Variants in BRD4 observed in about 807,000 individuals in gnomAD.
The protein encoded by BRD4 is bromodomain-containing protein 4.
A neutral mutation model predicts 142.1 loss-of-function variants in BRD4; 16 were observed. The observed-to-expected ratio is 0.11, with a 90% confidence interval of 0.08 to 0.17. BRD4 has a LOEUF of 0.17. Among genes scored for constraint, BRD4 ranks in the 10% least tolerant of loss-of-function variants. BRD4 has a pLI of 1.00. For missense variants in BRD4, 1,424 were observed against 1,810.9 expected (o/e 0.79, Z 3.88); for synonymous variants, 833 against 707.5 (o/e 1.18, Z -2.82).
At chr19:15,301,628 G>A (rs761350395) in intron 1 of BRD4, among the ~76,000 whole-genome samples, 1 of 151,574 alleles carries the variant, frequency 6.6e-6, no homozygotes, top group Non-Finnish European at 1.5e-5. Context: ...TTGGGAAGCC[G>A]AGGTGGACAG....
chr19:15,324,355 C>T (rs866021523), intron 1 of BRD4, among the ~76,000 whole-genome samples: 3 of 152,346 alleles, frequency 2.0e-5, no homozygotes, highest in Middle Eastern at 3.4e-3. Flanking sequence ...CTTTCAATTG[C>T]ATTTCACACA....
At chr19:15,283,315 C>T (rs998638366) in intron 1 of BRD4, among the ~76,000 whole-genome samples, 6 of 150,370 alleles carry the variant, frequency 4.0e-5, no homozygotes, top group Admixed American at 2.0e-4. Context: ...TCCTGGGCTG[C>T]CCCTGGTGTC....
chr19:15,331,047 A>C (rs2048152702), intron 1 of BRD4, among the ~76,000 whole-genome samples: 1 of 152,124 alleles, frequency 6.6e-6, no homozygotes, highest in East Asian at 1.9e-4. Context: ...CTCGTGAGGC[A>C]TACATTCCAA....
chr19:15,243,558 C>T (rs1172380704), intron 13 of BRD4, 71 bp from the exon 14 acceptor site: 2 of 1,466,596 alleles, frequency 1.4e-6, no homozygotes, highest in Non-Finnish European at 1.8e-6. Context: ...TCTGCTCCAT[C>T]CTGACCTCAT....
intron 1 of BRD4, among the ~76,000 whole-genome samples, chr19:15,294,897 G>A (rs999506999): frequency 5.9e-5 from 9 of 152,104 alleles, no homozygotes; most frequent in African/African-American, 2.2e-4. Flanking sequence ...CAGACCCCAC[G>A]CCCAGAAGGC....
At chr19:15,270,041 C>T (rs1261493449) in intron 2 of BRD4, among the ~76,000 whole-genome samples, 6 of 152,190 alleles carry the variant, frequency 3.9e-5, no homozygotes, top group Admixed American at 1.3e-4. Context: ...CCTGACCCAC[C>T]GATAGCCAAA....
chr19:15,310,274 C>T lies in BRD4; in HGVS notation c.-35+22016G>A, dbSNP rs918475945. On this transcript the variant is annotated intron_variant, in intron 1 of 19. Transcript: ENST00000679869. ...TGTTGACCAAGCTGAAGTGCAATGG[C>T]GTGATCTCAGCTCACTGCAACCTCC... 6.0e-5 allele frequency among the ~76,000 whole-genome samples: 7 copies of T among 117,446 alleles called. No individual in the cohort carries two copies. In the South Asian group the frequency reaches 1.2e-3, roughly 20 times the overall value. The allele number at this position is 117,446 out of a possible 152,430, so 77.0% of individuals were successfully genotyped here.
intron 7 of BRD4, 149 bp downstream of exon 7, chr19:15,263,271 G>A: frequency 1.0e-6 from 1 of 994,630 alleles, no homozygotes. Context: ...GTATGCACTA[G>A]GCTGACTTTA....
chr19:15,241,016 A>G (rs1265944477), intron 14 of BRD4, among the ~76,000 whole-genome samples: 1 of 152,122 alleles, frequency 6.6e-6, no homozygotes, highest in East Asian at 1.9e-4. Flanking sequence ...AGCAAACCAC[A>G]ATGCCCCAGG....
Position 15,263,517 on chromosome 19 carries a change from G to C in BRD4, c.1244C>G (p.Ala415Gly). The C allele has an allele frequency of 6.2e-7, 1 of 1,614,228 alleles. No homozygotes were observed. The highest frequency in any genetic ancestry group is 1.1e-5 in the South Asian group (1 of 91,090). The change falls in exon 7 of 20, where the codon GCT becomes GGT. Residue 415 changes from alanine to glycine, a missense_variant. Coordinates refer to ENST00000679869, the MANE Select transcript of BRD4 (RefSeq NM_001379291.1). Reference protein sequence around the residue: ...SKLEAREYRDAQEFGADVRLM... With the variant: ...SKLEAREYRDGQEFGADVRLM... ...TCGGACGTCAGCACCAAACTCCTGAGCATCACGGTACTCACGGGCCTCCAG... is the reference window on the plus strand; with the variant it reads ...TCGGACGTCAGCACCAAACTCCTGACCATCACGGTACTCACGGGCCTCCAG...
chr19:15,250,665 G>T lies in BRD4; in HGVS notation c.2158+3487C>A, dbSNP rs548965947. On this transcript the variant is annotated intron_variant, in intron 11 of 19. Transcript: ENST00000679869. Reference sequence around the variant, plus strand: ...ACCCTGTCCCAGCCCAGGTAGCTGAGGTTAAACGGGTATTCCTAAGAGGGA... The same window carrying T: ...ACCCTGTCCCAGCCCAGGTAGCTGATGTTAAACGGGTATTCCTAAGAGGGA... Among the ~76,000 whole-genome samples the T allele has an allele frequency of 9.0e-4, 137 of 152,188 alleles. 1 individual carries two copies. Among genetic ancestry groups the T allele is most frequent in the Non-Finnish European group, 1.6e-3 (110 of 68,028 alleles).
chr19:15,264,214 C>G, intron 6 of BRD4, 190 bp downstream of exon 6: 2 of 692,988 alleles, frequency 2.9e-6, no homozygotes, highest in Non-Finnish European at 4.6e-6. Flanking sequence ...AATGGCCAAG[C>G]ACCAGGTCTC....
At chr19:15,245,244 G>A (rs997659665) in intron 11 of BRD4, among the ~76,000 whole-genome samples, 4 of 152,110 alleles carry the variant, frequency 2.6e-5, no homozygotes, top group Admixed American at 2.0e-4. Flanking sequence ...GCAGCTTCTC[G>A]GGGGCCTCCA....
At chr19:15,307,244 G>GT (rs1334278511) in intron 1 of BRD4, among the ~76,000 whole-genome samples, 2 of 152,224 alleles carry the variant, frequency 1.3e-5, no homozygotes, top group African/African-American at 4.8e-5. Context: ...CTTCAGTGAA[G>GT]TAAGAGCGCT....
chr19:15,303,583 T>C (rs1250823262), intron 1 of BRD4, among the ~76,000 whole-genome samples: 2 of 152,028 alleles, frequency 1.3e-5, no homozygotes, highest in Admixed American at 6.6e-5. Context: ...TAAAATGCAA[T>C]ACAACAATAC....
At position 15,239,846 on chromosome 19, in the gene BRD4, C is replaced by T. The variant is rs200400609; in HGVS notation, c.3283-25G>A. On this transcript the variant is annotated intron_variant, in intron 15 of 19. Transcript: ENST00000679869. This position sits in a 1 kb window ranked among gnomAD's most constrained non-coding sequence, Gnocchi z 7.4. The stretch of plus-strand genomic sequence containing the variant: ...CCTGGGATGGCACAGGCACAGCGGC[C>T]GGTGAGGTGGGCAGGCACCCCCGGC... 24 of 1,613,698 alleles carry T rather than the reference C, an allele frequency of 1.5e-5. No homozygotes were observed. The highest frequency in any genetic ancestry group is 1.8e-5 in the Non-Finnish European group (21 of 1,179,990).
chr19:15,268,489 G>A (rs896128616), intron 3 of BRD4, among the ~76,000 whole-genome samples: 1 of 104,162 alleles, frequency 9.6e-6, no homozygotes, highest in Non-Finnish European at 2.1e-5. Context: ...CCTCTCTCAC[G>A]TGGAGGTCTC....
chr19:15,280,167 G>T (rs369473889), intron 1 of BRD4: 1 of 797,700 alleles, frequency 1.3e-6, no homozygotes, highest in East Asian at 9.1e-5. Context: ...TCATCCCCAT[G>T]GGGACAGAGG....
chr19:15,280,819 G>T (rs1345203277), intron 1 of BRD4, among the ~76,000 whole-genome samples: 1 of 152,172 alleles, frequency 6.6e-6, no homozygotes, highest in Non-Finnish European at 1.5e-5. Flanking sequence ...GCTAGATTCT[G>T]CCCAGGGACA....
Sources: allele counts gnomAD v4.1 joint callset (sites outside exome capture counted in the v4.1 genomes callset), GRCh38; gene constraint gnomAD v4.1.1; non-coding constraint Gnocchi (gnomAD v3.1); transcripts MANE v1.5; gene names NCBI Gene and HGNC (gene_info 2026-07-23, HGNC 2026-07-21).